LRRC7: variants seen among roughly 807,000 people sequenced by gnomAD.
LRRC7 encodes leucine-rich repeat-containing protein 7.
A neutral mutation model predicts 175.7 loss-of-function variants in LRRC7; 23 were observed. The ratio of observed to expected loss-of-function variants is 0.13; its 90% confidence interval spans 0.09 to 0.19. The LOEUF (loss-of-function observed/expected upper bound fraction) is 0.19. Among genes scored for constraint, LRRC7 ranks in the 10% least tolerant of loss-of-function variants. LRRC7 has a pLI of 1.00. For missense variants in LRRC7, 1,354 were observed against 1,904.7 expected (o/e 0.71, Z 5.38); for synonymous variants, 685 against 680.9 (o/e 1.01, Z -0.09).
intron 2 of LRRC7, among the ~76,000 whole-genome samples, chr1:69,740,180 G>A (rs1668555601): frequency 6.6e-6 from 1 of 152,062 alleles, no homozygotes; most frequent in Admixed American, 6.6e-5. Context: ...CACAAACTGG[G>A]TGGCTTAAGC....
intron 11 of LRRC7, among the ~76,000 whole-genome samples, chr1:70,003,181 G>A (rs1655694226): frequency 6.6e-6 from 1 of 152,090 alleles, no homozygotes; most frequent in African/African-American, 2.4e-5. Flanking sequence ...GGAAGAACAA[G>A]CCCTGGTTTC....
At chr1:69,970,536 G>A (rs1652130197) in intron 8 of LRRC7, among the ~76,000 whole-genome samples, 1 of 152,074 alleles carries the variant, frequency 6.6e-6, no homozygotes, top group South Asian at 2.1e-4. Flanking sequence ...TAAAGGAGAT[G>A]GATAAAATCC....
chr1:70,026,094 AG>A lies in LRRC7; in HGVS notation c.1795-2076del, dbSNP rs373500615. Among the ~76,000 whole-genome samples the A allele has an allele frequency of 8.1e-3, 1,241 of 152,300 alleles. 13 individuals carry two copies. Among genetic ancestry groups the A allele is most frequent in the African/African-American group, 0.028 (1,183 of 41,584 alleles). Reference sequence around the variant, plus strand: ...GATCTAATTGTGTCAGATGGGACACAGCATCTAACAAAAAATACATTACATT... The same window carrying A: ...GATCTAATTGTGTCAGATGGGACACACATCTAACAAAAAATACATTACATT... On this transcript the variant is annotated intron_variant, in intron 17 of 26. Coordinates refer to ENST00000651989, the MANE Select transcript of LRRC7 (RefSeq NM_001370785.2).
chr1:69,701,901 G>GA, intron 2 of LRRC7, among the ~76,000 whole-genome samples: 1 of 152,136 alleles, frequency 6.6e-6, no homozygotes, highest in Non-Finnish European at 1.5e-5. Flanking sequence ...CAAGCTAAAG[G>GA]AAAGATTCCA....
At chr1:69,918,908 T>C (rs1646798111) in intron 7 of LRRC7, among the ~76,000 whole-genome samples, 1 of 152,074 alleles carries the variant, frequency 6.6e-6, no homozygotes, top group African/African-American at 2.4e-5. Context: ...AAAAGAAAAT[T>C]GTTGCCCATT....
chr1:69,910,187 G>A (rs993891519), intron 7 of LRRC7, among the ~76,000 whole-genome samples: 1 of 152,068 alleles, frequency 6.6e-6, no homozygotes. Flanking sequence ...CTCTCAGCTC[G>A]TCAAAGTCAT....
At chr1:69,807,890 G>A (rs779828192) in intron 4 of LRRC7, among the ~76,000 whole-genome samples, 13 of 151,994 alleles carry the variant, frequency 8.6e-5, no homozygotes, top group Admixed American at 2.0e-4. Flanking sequence ...CCTGAAGCAC[G>A]CTTTCCAACT....
At chr1:69,987,394 A>G (rs1301162536) in intron 10 of LRRC7, among the ~76,000 whole-genome samples, 1 of 152,010 alleles carries the variant, frequency 6.6e-6, no homozygotes, top group African/African-American at 2.4e-5. Context: ...TTAACTTTGT[A>G]ACATAGATTT....
At chr1:69,587,812 C>A (rs1569729667) in intron 1 of LRRC7, among the ~76,000 whole-genome samples, 1 of 152,190 alleles carries the variant, frequency 6.6e-6, no homozygotes, top group African/African-American at 2.4e-5. Flanking sequence ...ACGTGCCTTG[C>A]TTCCCCTTCA....
At chr1:69,588,832 A>G (rs1318690432) in intron 1 of LRRC7, among the ~76,000 whole-genome samples, 3 of 152,324 alleles carry the variant, frequency 2.0e-5, no homozygotes, top group East Asian at 1.9e-4. Context: ...TAAAAAATCT[A>G]TAACTGATAT....
chr1:70,057,939 CT>C (rs111537532), intron 23 of LRRC7, among the ~76,000 whole-genome samples: 20,389 of 143,048 alleles, frequency 0.14, 1,782 homozygotes, highest in African/African-American at 0.25. Context: ...TAAATGCTGT[CT>C]TTTTTTTTTT....
At chr1:70,072,499 A>G (rs940814180) in intron 23 of LRRC7, among the ~76,000 whole-genome samples, 3 of 152,160 alleles carry the variant, frequency 2.0e-5, no homozygotes, top group Non-Finnish European at 4.4e-5. Context: ...TATTTAAAAA[A>G]TTGTGTAATT....
intron 3 of LRRC7, among the ~76,000 whole-genome samples, chr1:69,784,752 A>G (rs553524222): frequency 2.6e-5 from 4 of 152,270 alleles, no homozygotes; most frequent in African/African-American, 9.6e-5. Flanking sequence ...TGGCATTTCT[A>G]TTATGTAACA....
At chr1:69,746,519 C>G (rs1404498986) in intron 2 of LRRC7, among the ~76,000 whole-genome samples, 1 of 151,682 alleles carries the variant, frequency 6.6e-6, no homozygotes, top group Non-Finnish European at 1.5e-5. Flanking sequence ...GTTTTAAATC[C>G]TCTTCAACAG....
chr1:69,927,747 G>T (rs1260401681), intron 7 of LRRC7, among the ~76,000 whole-genome samples: 1 of 152,028 alleles, frequency 6.6e-6, no homozygotes, highest in Admixed American at 6.6e-5. Context: ...TTTGCCTTTG[G>T]TTTGAATTTC....
At chr1:70,031,564 T>A (rs1210608722) in intron 18 of LRRC7, among the ~76,000 whole-genome samples, 1 of 152,094 alleles carries the variant, frequency 6.6e-6, no homozygotes, top group Non-Finnish European at 1.5e-5. Flanking sequence ...TTTGAAAAAA[T>A]CAATGCACAT....
At chr1:69,981,114 TAC>T (rs145800433) in intron 9 of LRRC7, among the ~76,000 whole-genome samples, 5 of 151,676 alleles carry the variant, frequency 3.3e-5, no homozygotes, top group African/African-American at 9.7e-5. Flanking sequence ...GCCACTTGCA[TAC>T]ACACACACAC....
intron 2 of LRRC7, among the ~76,000 whole-genome samples, chr1:69,731,568 TAGCC>T (rs1667586605): frequency 6.6e-6 from 1 of 152,218 alleles, no homozygotes; most frequent in South Asian, 2.1e-4. Flanking sequence ...GTTCCTAACT[TAGCC>T]CTCTGAAAAA....
intron 11 of LRRC7, among the ~76,000 whole-genome samples, chr1:70,007,614 T>C (rs2101941957): frequency 6.6e-6 from 1 of 152,366 alleles, no homozygotes; most frequent in Middle Eastern, 3.4e-3. Flanking sequence ...GTTTGAACAA[T>C]GCTTGCCGTC....
Sources: allele counts gnomAD v4.1 joint callset (sites outside exome capture counted in the v4.1 genomes callset), GRCh38; gene constraint gnomAD v4.1.1; transcripts MANE v1.5; gene names NCBI Gene and HGNC (gene_info 2026-07-23, HGNC 2026-07-21).